The following SCEL variants were observed in gnomAD, a reference collection of about 807,000 sequenced individuals.
SCEL encodes the protein sciellin.
SCEL carries 113 observed loss-of-function variants against 117.6 expected under a neutral mutation model. The ratio of observed to expected loss-of-function variants is 0.96; its 90% CI spans 0.83 to 1.12. The LOEUF (loss-of-function observed/expected upper bound fraction) is 1.12. SCEL is among the 50% of genes most tolerant of loss of function. The probability of loss-of-function intolerance (pLI) is 0.00; values close to 1 mark genes in which losing one functional copy is unlikely to be tolerated. For missense variants in SCEL, 785 were observed against 810.8 expected (o/e 0.97, Z 0.39); for synonymous variants, 270 against 256.2 (o/e 1.05, Z -0.51).
At chr13:77,639,228 T>A (rs1290909909) in intron 30 of SCEL, among the ~76,000 whole-genome samples, 1 of 152,140 alleles carries the variant, frequency 6.6e-6, no homozygotes, top group Non-Finnish European at 1.5e-5. Flanking sequence ...CAGTCTTAAA[T>A]GGGAAATTTA....
intron 7 of SCEL, among the ~76,000 whole-genome samples, chr13:77,568,663 C>T (rs2085422326): frequency 6.6e-6 from 1 of 152,068 alleles, no homozygotes; most frequent in African/African-American, 2.4e-5. Context: ...ATTAACCCTT[C>T]CTCCACACCT....
chr13:77,611,849 T>C (rs2088658833), intron 22 of SCEL, among the ~76,000 whole-genome samples: 1 of 152,166 alleles, frequency 6.6e-6, no homozygotes, highest in Non-Finnish European at 1.5e-5. Flanking sequence ...CACTTAGTGT[T>C]CAAGTGCTTA....
chr13:77,579,855 G>A (rs2086170511), intron 9 of SCEL, among the ~76,000 whole-genome samples: 1 of 152,054 alleles, frequency 6.6e-6, no homozygotes, highest in Non-Finnish European at 1.5e-5. Context: ...AGAAAGGAGA[G>A]GAGGAGCAAA....
At position 77,535,773 on chromosome 13, in the gene SCEL, G is replaced by A. The variant is rs1203555624; in HGVS notation, c.-71G>A. On this transcript the variant is annotated 5_prime_UTR_variant, in exon 1 of 33. Transcript: ENST00000349847. Reference sequence around the variant, plus strand: ...TTTCTTTCAGCCAGATCCTCCCAGGGAATCACTACAGGCTGGTTAGCCAAA... The same window carrying A: ...TTTCTTTCAGCCAGATCCTCCCAGGAAATCACTACAGGCTGGTTAGCCAAA... The A allele has an allele frequency of 6.6e-6, 1 of 152,170 alleles. No homozygotes were observed. Among genetic ancestry groups the A allele is most frequent in the Admixed American group, 6.5e-5 (1 of 15,276 alleles). 9.4% of individuals were successfully genotyped at this position (152,170 alleles called of 1,614,324 possible).
intron 10 of SCEL, among the ~76,000 whole-genome samples, chr13:77,590,825 T>C (rs1432714501): frequency 1.3e-5 from 2 of 152,068 alleles, no homozygotes; most frequent in Admixed American, 6.6e-5. Context: ...CAAGTAGGAA[T>C]GTATAAGTAG....
At position 77,645,040 on chromosome 13, in the gene SCEL, AT is replaced by A. The variant is rs1197850008; in HGVS notation, c.*768del. On this transcript the variant is annotated 3_prime_UTR_variant, in exon 33 of 33. Coordinates refer to ENST00000349847, the MANE Select transcript of SCEL (RefSeq NM_144777.3). ...AACTGTGTTTTAAAAACAGAAACAG[AT>A]TGATGGGTAACAGGTAAAATATGAC... is the stretch of plus-strand genomic sequence containing the variant. 1 of 152,044 alleles carries A rather than the reference AT, an allele frequency of 6.6e-6. No individual in the cohort carries two copies. The highest frequency in any genetic ancestry group is 1.5e-5 in the Non-Finnish European group (1 of 67,958). The allele number at this position is 152,044 out of a possible 1,614,324, so 9.4% of individuals were successfully genotyped here.
At chr13:77,563,439 A>G (rs1469153440) in intron 4 of SCEL, among the ~76,000 whole-genome samples, 1 of 152,200 alleles carries the variant, frequency 6.6e-6, no homozygotes, top group East Asian at 1.9e-4. Context: ...TGCAAACAAA[A>G]TATAGTTGAG....
chr13:77,545,081 A>G (rs1013505844), intron 1 of SCEL, among the ~76,000 whole-genome samples: 3 of 152,232 alleles, frequency 2.0e-5, no homozygotes, highest in Non-Finnish European at 2.9e-5. Flanking sequence ...ACTTCCCAGC[A>G]TAAGAGAGAC....
chr13:77,609,470 T>G (rs1232171269), intron 21 of SCEL, among the ~76,000 whole-genome samples: 1 of 152,180 alleles, frequency 6.6e-6, no homozygotes, highest in Admixed American at 6.5e-5. Context: ...TCTGCTCCTC[T>G]TACCTGTGTG....
chr13:77,618,013 G>C lies in SCEL; in HGVS notation c.1581G>C (p.Leu527Phe). 1.2e-6 allele frequency: 2 copies of C among 1,613,192 alleles called. No homozygotes were observed. The highest frequency in any genetic ancestry group is 1.3e-5 in the African/African-American group (1 of 74,926). ...TCTCTCTTTTAAACAGCCAAGACTT[G>C]GACAATCTTATTAAAGTGAAACCTT... ...AVIRNNQSQD[L>F]DNLIKVKPSA... The change falls in exon 27 of 33, where the codon TTG becomes TTC. Residue 527 changes from leucine to phenylalanine, a missense_variant. By Grantham distance (22) the Leu-to-Phe change is conservative. Coordinates refer to ENST00000349847, the MANE Select transcript of SCEL (RefSeq NM_144777.3).
intron 1 of SCEL, among the ~76,000 whole-genome samples, chr13:77,553,341 C>A (rs1424914837): frequency 6.6e-6 from 1 of 152,196 alleles, no homozygotes; most frequent in East Asian, 1.9e-4. Flanking sequence ...TTTACTGTCT[C>A]TGCAGATGTA....
chr13:77,563,859 G>A lies in SCEL; in HGVS notation c.250G>A (p.Ala84Thr). The A allele has an allele frequency of 4.4e-6, 7 of 1,600,550 alleles. No homozygotes were observed. In the South Asian group the frequency reaches 8.0e-5, roughly 18 times the overall value. ...AGTAAATGAGAGAGATGTGCCAAAA[G>A]CTACAATTAGTCGGTACAGTTCTGA... The part of the protein sequence containing the change: ...RKVNERDVPK[A>T]TISRYSSDDT... Residue 84 changes from alanine (A) to threonine (T), a missense_variant, in exon 5 of 33, where the codon GCT (alanine) becomes ACT (threonine). By Grantham distance (58) the Ala-to-Thr change is moderately conservative. Coordinates refer to ENST00000349847, the MANE Select transcript of SCEL (RefSeq NM_144777.3).
At chr13:77,620,720 C>T (rs1594145290) in intron 27 of SCEL, among the ~76,000 whole-genome samples, 1 of 152,056 alleles carries the variant, frequency 6.6e-6, no homozygotes, top group African/African-American at 2.4e-5. Flanking sequence ...TGCTACATTT[C>T]TGCTCCTGAA....
Position 77,591,460 on chromosome 13 carries a change from G to T in SCEL, c.692G>T (p.Arg231Met). The T allele has an allele frequency of 6.6e-7, 1 of 1,521,458 alleles. No homozygotes were observed. Among genetic ancestry groups the T allele is most frequent in the Non-Finnish European group, 9.1e-7 (1 of 1,098,492 alleles). The allele number at this position is 1,521,458 out of a possible 1,614,324, so 94.2% of individuals were successfully genotyped here. The change falls in exon 11 of 33, where the codon AGG becomes ATG. Residue 231 changes from arginine to methionine, a missense_variant and splice_region_variant. Coordinates refer to ENST00000349847, the MANE Select transcript of SCEL (RefSeq NM_144777.3). Reference sequence around the variant, plus strand: ...AACAGATCTGCTGAAAGAAATATAAGGTACACTGATTTCTATTTATATCTA... The same window carrying T: ...AACAGATCTGCTGAAAGAAATATAATGTACACTGATTTCTATTTATATCTA... Reference protein sequence around the residue: ...ETNRSAERNIRSQDLDNIVKV... With the variant: ...ETNRSAERNIMSQDLDNIVKV...
In SCEL at chr13:77,569,606, G is replaced by A. The variant is rs574142574; in HGVS notation, c.479+155G>A. Among the ~76,000 whole-genome samples, 213 of 152,302 alleles carry A rather than the reference G, an allele frequency of 1.4e-3. 1 individual carries two copies. The highest frequency in any genetic ancestry group is 2.1e-3 in the Non-Finnish European group (146 of 68,034). ...CAGCAATCTCTTTCTCAAATATAGA[G>A]TCTTGTTTTCAATTCCTGTAGGGCC... On this transcript the variant is annotated intron_variant, in intron 8 of 32. Transcript: ENST00000349847.
At chr13:77,639,495 T>C (rs1475636055) in intron 30 of SCEL, among the ~76,000 whole-genome samples, 1 of 152,202 alleles carries the variant, frequency 6.6e-6, no homozygotes, top group Non-Finnish European at 1.5e-5. Context: ...GGCTTGATAA[T>C]AGATTAGTGG....
At chr13:77,631,938 T>C (rs1457437084) in intron 28 of SCEL, among the ~76,000 whole-genome samples, 2 of 152,194 alleles carry the variant, frequency 1.3e-5, no homozygotes, top group Non-Finnish European at 2.9e-5. Flanking sequence ...CTATCAGGGT[T>C]GGTTTTGGTG....
chr13:77,580,519 T>A (rs948677133), intron 9 of SCEL, among the ~76,000 whole-genome samples: 18 of 152,192 alleles, frequency 1.2e-4, no homozygotes, highest in Admixed American at 1.2e-3. Context: ...GAACCTACCA[T>A]TAAATTTTTG....
At chr13:77,598,845 C>G (rs1308186108) in intron 13 of SCEL, among the ~76,000 whole-genome samples, 1 of 152,132 alleles carries the variant, frequency 6.6e-6, no homozygotes, top group African/African-American at 2.4e-5. Context: ...CCATGCCTGG[C>G]TAAGTTTTAA....
Sources: gnomAD v4.1 joint callset for allele counts (sites outside exome capture counted in the v4.1 genomes callset) on GRCh38, gnomAD v4.1.1 for gene constraint, MANE v1.5 for transcripts, NCBI Gene and HGNC (gene_info 2026-07-23, HGNC 2026-07-21) for gene names.